LRP1B: variants seen among roughly 807,000 people sequenced by gnomAD.
The protein encoded by LRP1B is LDL receptor related protein 1B, also known as low-density lipoprotein receptor-related protein 1B.
LRP1B carries 217 observed loss-of-function variants against 556.6 expected under a neutral mutation model. The ratio of observed to expected loss-of-function variants is 0.39; its 90% confidence interval spans 0.35 to 0.44. The LOEUF is 0.44. LRP1B is among the 20% of genes least tolerant of loss of function. The probability of loss-of-function intolerance (pLI) is 1.00; values close to 1 mark genes in which losing one functional copy is unlikely to be tolerated. For missense variants in LRP1B, 5,053 were observed against 5,620.8 expected, an observed-to-expected ratio of 0.90 and a Z score of 3.23; for synonymous variants, 2,047 against 1,865.8, an observed-to-expected ratio of 1.10 and a Z score of -2.50.
intron 86 of LRP1B, among the ~76,000 whole-genome samples, chr2:140,248,586 TCTGTA>T (rs1205899084): frequency 2.0e-5 from 3 of 151,584 alleles, no homozygotes; most frequent in Non-Finnish European, 3.0e-5. Context: ...ACGACTCTTG[TCTGTA>T]TTAATAGAGT....
chr2:141,194,004 C>T (rs1298419588), intron 6 of LRP1B, among the ~76,000 whole-genome samples: 1 of 152,028 alleles, frequency 6.6e-6, no homozygotes, highest in Non-Finnish European at 1.5e-5. Context: ...AATAGAGATG[C>T]AAATGATTTC....
intron 1 of LRP1B, among the ~76,000 whole-genome samples, chr2:141,827,170 T>C (rs1034573504): frequency 3.3e-5 from 5 of 152,246 alleles, no homozygotes; most frequent in African/African-American, 9.6e-5. Flanking sequence ...GAAAGATAGC[T>C]TCAGAGCTGC....
rs969307328 is a variant in LRP1B, at chr2:140,867,579, C to A, written c.4579+11G>T. ...TCTGGGTGGTTAATCCATAAGTGAA[C>A]AAGCACTTACCCTGTGGCTGGCGAC... On this transcript the variant is annotated intron_variant, in intron 27 of 90. Coordinates refer to ENST00000389484, the MANE Select transcript of LRP1B (RefSeq NM_018557.3). The A allele has an allele frequency of 5.6e-6, 9 of 1,606,122 alleles. No homozygotes were observed. Among genetic ancestry groups the A allele is most frequent in the Non-Finnish European group, 7.7e-6 (9 of 1,175,792 alleles).
At chr2:141,302,718 A>T (rs190016173) in intron 3 of LRP1B, among the ~76,000 whole-genome samples, 2 of 152,236 alleles carry the variant, frequency 1.3e-5, no homozygotes, top group African/African-American at 4.8e-5. Flanking sequence ...CATAAAAAAC[A>T]AATAATACAA....
At chr2:141,428,061 G>A (rs1488894808) in intron 3 of LRP1B, among the ~76,000 whole-genome samples, 1 of 152,092 alleles carries the variant, frequency 6.6e-6, no homozygotes, top group Non-Finnish European at 1.5e-5. Flanking sequence ...AACATTATTT[G>A]CATCTTCCTT....
Position 141,392,961 on chromosome 2 carries a change from C to A in LRP1B, c.343+87435G>T, listed in dbSNP as rs186418625. On this transcript the variant is annotated intron_variant, in intron 3 of 90. Coordinates refer to ENST00000389484, the MANE Select transcript of LRP1B (RefSeq NM_018557.3). ...AGCACTGTAGTCCCGCTGAAACAGA[C>A]TTAGGTTCAGATCTTTCAGCGCACT... Among the ~76,000 whole-genome samples, 6 of 152,266 alleles carry A rather than the reference C, an allele frequency of 3.9e-5. No individual in the cohort carries two copies. The East Asian group carries it at 9.7e-4, about 25-fold the overall frequency.
At chr2:140,553,233 G>T (rs1680609888) in intron 43 of LRP1B, among the ~76,000 whole-genome samples, 1 of 151,826 alleles carries the variant, frequency 6.6e-6, no homozygotes, top group Non-Finnish European at 1.5e-5. Flanking sequence ...TGGTAAATCA[G>T]TAACTTAAAA....
At chr2:140,831,575 G>T (rs1229661864) in intron 31 of LRP1B, among the ~76,000 whole-genome samples, 1 of 152,136 alleles carries the variant, frequency 6.6e-6, no homozygotes, top group Non-Finnish European at 1.5e-5. Context: ...ACTACTGAAA[G>T]AAAACATTTG....
intron 1 of LRP1B, among the ~76,000 whole-genome samples, chr2:141,841,584 A>G (rs956845015): frequency 2.0e-5 from 3 of 152,096 alleles, no homozygotes. Flanking sequence ...GCCTTTCCAG[A>G]TACTGTTTGT....
intron 1 of LRP1B, among the ~76,000 whole-genome samples, chr2:142,051,664 A>G (rs968251056): frequency 1.3e-5 from 2 of 151,774 alleles, no homozygotes; most frequent in Non-Finnish European, 2.9e-5. Context: ...TTTAGTAGAG[A>G]GGGGGTTTCA....
At chr2:140,246,864 A>G (rs1181238381) in intron 87 of LRP1B, among the ~76,000 whole-genome samples, 1 of 151,552 alleles carries the variant, frequency 6.6e-6, no homozygotes, top group East Asian at 1.9e-4. Context: ...AAAACTCCCC[A>G]AATTTGGGAT....
intron 3 of LRP1B, among the ~76,000 whole-genome samples, chr2:141,322,199 C>T (rs1687266697): frequency 6.6e-6 from 1 of 152,022 alleles, no homozygotes; most frequent in Admixed American, 6.6e-5. Context: ...TTTATCAATC[C>T]ATGACAAGAG....
intron 3 of LRP1B, among the ~76,000 whole-genome samples, chr2:141,422,651 G>A (rs143378243): frequency 5.3e-5 from 8 of 152,004 alleles, no homozygotes; most frequent in African/African-American, 1.7e-4. Flanking sequence ...TTACCTTTAC[G>A]TACATGTCTT....
At chr2:141,684,533 C>T (rs1350866326) in intron 2 of LRP1B, among the ~76,000 whole-genome samples, 1 of 151,778 alleles carries the variant, frequency 6.6e-6, no homozygotes, top group Non-Finnish European at 1.5e-5. Flanking sequence ...CAGCAAACCA[C>T]CATGGCATGT....
intron 11 of LRP1B, among the ~76,000 whole-genome samples, chr2:141,031,697 CA>C (rs1698376192): frequency 6.6e-6 from 1 of 151,772 alleles, no homozygotes; most frequent in Admixed American, 6.6e-5. Flanking sequence ...AATAAGACAC[CA>C]TTTTATTCAC....
At chr2:140,979,955 A>G (rs1696719305) in intron 18 of LRP1B, among the ~76,000 whole-genome samples, 1 of 152,068 alleles carries the variant, frequency 6.6e-6, no homozygotes, top group Non-Finnish European at 1.5e-5. Flanking sequence ...CAGCCCTCCC[A>G]ACCCTTCTTC....
intron 1 of LRP1B, among the ~76,000 whole-genome samples, chr2:142,041,400 T>C (rs1207831743): frequency 2.6e-5 from 4 of 151,286 alleles, no homozygotes; most frequent in African/African-American, 9.7e-5. Context: ...AGAAAAGAGG[T>C]GTAAAGAAAA....
In LRP1B at chr2:140,353,887, G is replaced by A. The variant is rs556135799; in HGVS notation, c.11531-815C>T. 3.3e-5 allele frequency among the ~76,000 whole-genome samples: 5 copies of A among 152,086 alleles called. No homozygotes were observed. In the South Asian group the frequency reaches 1.0e-3, roughly 32 times the overall value. On this transcript the variant is annotated intron_variant, in intron 75 of 90. Transcript: ENST00000389484. ...TATGAAGTGACTACGTAACAAGAAG[G>A]GCTGTATTGAGGTTATGTGATGTGA... is the stretch of plus-strand genomic sequence containing the variant.
chr2:140,716,166 T>G, intron 36 of LRP1B, 64 bp from the exon 37 acceptor site: 1 of 1,180,144 alleles, frequency 8.5e-7, no homozygotes, highest in Non-Finnish European at 1.2e-6. Context: ...TTGTCATGAC[T>G]AAAATTAAAT....
Sources: allele counts gnomAD v4.1 joint callset (sites outside exome capture counted in the v4.1 genomes callset), GRCh38; gene constraint gnomAD v4.1.1; transcripts MANE v1.5; gene names NCBI Gene and HGNC (gene_info 2026-07-23, HGNC 2026-07-21).